The following IRGM variants were observed in gnomAD, a reference collection of about 807,000 sequenced individuals.
The protein encoded by IRGM is immunity related GTPase M, also known as immunity-related GTPase family M protein.
For synonymous variants in IRGM, 98 were observed against 80.6 expected (o/e 1.22, Z -1.16); for missense variants, 288 against 219.9 (o/e 1.31, Z -1.96).
Position 150,847,809 on chromosome 5 carries a change from T to TTTTGTGTGTTTG in IRGM, c.-310_-309insGTGTTTGTTTGT. The TTTTGTGTGTTTG allele has an allele frequency of 3.6e-6, 1 of 276,726 alleles. No homozygotes were observed. The highest frequency in any genetic ancestry group is 6.8e-6 in the Non-Finnish European group (1 of 146,276). The allele number at this position is 276,726 out of a possible 1,614,324, so 17.1% of individuals were successfully genotyped here. On this transcript the variant is annotated 5_prime_UTR_variant, in exon 2 of 2. Coordinates refer to ENST00000522154, the MANE Select transcript of IRGM (RefSeq NM_001145805.2). ...TTTTTGCCACACCATAAGCATTGGG[T>TTTTGTGTGTTTG]TTTGTTTGTTTTGAGATGGAGTCTT...
intron 2 of IRGM, among the ~76,000 whole-genome samples, chr5:150,878,291 C>G (rs1754394820): frequency 6.6e-6 from 1 of 152,102 alleles, no homozygotes; most frequent in South Asian, 2.1e-4. Context: ...TAATAATACT[C>G]TCTACCTCAT....
At chr5:150,864,186 T>C (rs765459452) in intron 1 of IRGM, among the ~76,000 whole-genome samples, 4 of 152,194 alleles carry the variant, frequency 2.6e-5, no homozygotes, top group African/African-American at 9.7e-5. Flanking sequence ...TGTTGATCAC[T>C]CTAGCCCTGC....
intron 1 of IRGM, among the ~76,000 whole-genome samples, chr5:150,859,521 C>A (rs975726201): frequency 2.6e-5 from 4 of 152,118 alleles, no homozygotes; most frequent in Non-Finnish European, 5.9e-5. Flanking sequence ...CCTCTTTGTA[C>A]CTCTGGTAGA....
At chr5:150,858,455 C>A (rs9764299) in intron 1 of IRGM, among the ~76,000 whole-genome samples, 5,067 of 152,224 alleles carry the variant, frequency 0.033, 265 homozygotes, top group African/African-American at 0.12. Flanking sequence ...TTTTCCAATT[C>A]TGCGAAGAAA....
At chr5:150,861,875 C>T (rs1754141497) in intron 1 of IRGM, among the ~76,000 whole-genome samples, 1 of 152,182 alleles carries the variant, frequency 6.6e-6, no homozygotes, top group South Asian at 2.1e-4. Flanking sequence ...TATTTCCTAC[C>T]AGAACCCTCA....
At chr5:150,896,513 A>T in intron 3 of IRGM, 1 of 1,613,614 alleles carries the variant, frequency 6.2e-7, no homozygotes, top group Non-Finnish European at 8.5e-7. Flanking sequence ...ACTGATTATC[A>T]TCAAAAGGTA....
chr5:150,878,022 C>T, exon 2 of IRGM: 1 of 458,502 alleles, frequency 2.2e-6, no homozygotes, highest in Non-Finnish European at 4.4e-6. Flanking sequence ...CAGCCACGTA[C>T]CTCTTGCTTG....
At chr5:150,881,486 T>C (rs1036745998) in intron 3 of IRGM, among the ~76,000 whole-genome samples, 1 of 152,052 alleles carries the variant, frequency 6.6e-6, no homozygotes, top group Non-Finnish European at 1.5e-5. Context: ...TAAAGAGAGT[T>C]ATTCAAGCTA....
intron 1 of IRGM, among the ~76,000 whole-genome samples, chr5:150,860,187 A>G (rs2113263220): frequency 6.6e-6 from 1 of 152,318 alleles, no homozygotes; most frequent in Non-Finnish European, 1.5e-5. Context: ...CTCCTATAAC[A>G]TTTTTGTACC....
In IRGM at chr5:150,848,174, G is replaced by A. The variant is rs180802994; in HGVS notation, c.51G>A (p.Glu17=). Residue 17 remains glutamate (E), a synonymous_variant, in exon 2 of 2, where the codon GAG becomes GAA. Coordinates refer to ENST00000522154, the MANE Select transcript of IRGM (RefSeq NM_001145805.2). ...EKASADGNLP[E]VISNIKETLK... is the part of the protein sequence containing the mutation. Reference sequence around the variant, plus strand: ...CCTCAGCAGATGGGAACTTGCCAGAGGTGATCTCTAACATCAAGGAGACTC... The same window carrying A: ...CCTCAGCAGATGGGAACTTGCCAGAAGTGATCTCTAACATCAAGGAGACTC... 146 of 1,551,528 alleles carry A rather than the reference G, an allele frequency of 9.4e-5. 1 individual carries two copies. The highest frequency in any genetic ancestry group is 9.3e-5 in the Non-Finnish European group (107 of 1,146,908).
chr5:150,847,520 G>C (rs1419407166), intron 1 of IRGM, 189 bp from the exon 2 acceptor site: 1 of 152,742 alleles, frequency 6.5e-6, no homozygotes, highest in Non-Finnish European at 1.5e-5. Flanking sequence ...CCGGCCTCAG[G>C]GCGTTCCTCA....
chr5:150,879,949 C>T (rs746050203), intron 3 of IRGM, among the ~76,000 whole-genome samples: 3 of 152,094 alleles, frequency 2.0e-5, no homozygotes, highest in African/African-American at 4.8e-5. Context: ...TGCTCATAAA[C>T]GTGAGCAGCA....
rs190324840 is a variant in IRGM, at chr5:150,867,982, T to C, written c.159-9998T>C. Among the ~76,000 whole-genome samples, 502 of 152,222 alleles carry C rather than the reference T, an allele frequency of 3.3e-3. 3 individuals are homozygous for C. The highest frequency in any genetic ancestry group is 0.011 in the African/African-American group (476 of 41,568). Reference sequence around the variant, plus strand: ...TTTCTTTTGCTGTGCAGAAAGTTTTTAGTTTAATTATTTATCTTGGCTTTT... The same window carrying C: ...TTTCTTTTGCTGTGCAGAAAGTTTTCAGTTTAATTATTTATCTTGGCTTTT... On this transcript the variant is annotated intron_variant and NMD_transcript_variant, in intron 1 of 3. Coordinates refer to the IRGM transcript ENST00000520549.
chr5:150,896,703 A>T, intron 3 of IRGM: 2 of 1,613,504 alleles, frequency 1.2e-6, no homozygotes, highest in East Asian at 4.5e-5. Context: ...CTGTATTGAT[A>T]TATCTGTTTC....
chr5:150,848,520 AC>A lies in IRGM; in HGVS notation c.399del (p.Ala134LeufsTer15). 1.9e-6 allele frequency: 3 copies of A among 1,551,802 alleles called. No homozygotes were observed. The highest frequency in any genetic ancestry group is 2.6e-6 in the Non-Finnish European group (3 of 1,146,978). ...FSMNHVMLAK[T>X]AEDMGKKFYI... is the part of the protein sequence containing the mutation. ...CATGAATCATGTGATGCTTGCCAAAACCGCTGAGGACATGGGAAAGAAGTTC... is the reference window on the plus strand; with the variant it reads ...CATGAATCATGTGATGCTTGCCAAAACGCTGAGGACATGGGAAAGAAGTTC... On this transcript the variant is annotated frameshift_variant, in exon 2 of 2. Coordinates refer to ENST00000522154, the MANE Select transcript of IRGM (RefSeq NM_001145805.2). LOFTEE classifies it low-confidence loss of function (END_TRUNC).
chr5:150,898,502 T>A (rs1259970206), intron 3 of IRGM: 1 of 1,613,258 alleles, frequency 6.2e-7, no homozygotes, highest in Non-Finnish European at 8.5e-7. Context: ...GTCAAGTTGC[T>A]GCCACTCCTC....
Position 150,886,493 on chromosome 5 carries a change from C to T in IRGM, c.*140+6847C>T, listed in dbSNP as rs542399635. On this transcript the variant is annotated intron_variant and NMD_transcript_variant, in intron 3 of 3. Transcript: ENST00000520549. ...GGAATGGTACCAGCTTTTCATTGTA[C>T]ATACAGTAGAATTCACCTGTGAATC... Among the ~76,000 whole-genome samples, 3 of 152,054 alleles carry T rather than the reference C, an allele frequency of 2.0e-5. No individual in the cohort carries two copies. The South Asian group carries it at 6.2e-4, about 32-fold the overall frequency.
chr5:150,872,996 C>A (rs1429467088), intron 1 of IRGM, among the ~76,000 whole-genome samples: 2 of 152,206 alleles, frequency 1.3e-5, no homozygotes, highest in African/African-American at 4.8e-5. Flanking sequence ...ACAGTGGGAA[C>A]CGCAGTCACT....
At chr5:150,876,644 G>A (rs550792699) in intron 1 of IRGM, among the ~76,000 whole-genome samples, 1 of 152,284 alleles carries the variant, frequency 6.6e-6, no homozygotes, top group African/African-American at 2.4e-5. Context: ...GCCCTGTGAT[G>A]AGGGTCATTG....
Sources: gnomAD v4.1 joint callset for allele counts (sites outside exome capture counted in the v4.1 genomes callset) on GRCh38, gnomAD v4.1.1 for gene constraint, MANE v1.5 for transcripts, NCBI Gene and HGNC (gene_info 2026-07-23, HGNC 2026-07-21) for gene names.